OOSP2: variants seen among roughly 807,000 people sequenced by gnomAD.
OOSP2 encodes the protein oocyte secreted protein 2.
Under a neutral mutation model 13.4 loss-of-function variants are expected in OOSP2, and 7 were observed. The ratio of observed to expected loss-of-function variants is 0.52; its 90% CI spans 0.30 to 0.98. The LOEUF (loss-of-function observed/expected upper bound fraction) is 0.98. OOSP2 is among the 50% of genes least tolerant of loss of function. The pLI, the probability that OOSP2 is intolerant of heterozygous loss-of-function variation, is 0.07. For synonymous variants in OOSP2, 75 were observed against 67.2 expected (o/e 1.12, Z -0.57); for missense variants, 184 against 188.5 (o/e 0.98, Z 0.14).
intron 3 of OOSP2, chr11:60,046,573 C>T (rs1284948975): frequency 2.5e-6 from 1 of 407,924 alleles, no homozygotes; most frequent in Admixed American, 2.8e-5. Context: ...GCTGCCACTA[C>T]AGTGGGACAG....
At chr11:60,044,922 A>G (rs1269077905) in intron 3 of OOSP2, 148 bp downstream of exon 3, 3 of 422,530 alleles carry the variant, frequency 7.1e-6, no homozygotes, top group Non-Finnish European at 1.3e-5. Context: ...TATTTACACA[A>G]ATATTTTAAT....
At position 60,046,982 on chromosome 11, in the gene OOSP2, A is replaced by G; in HGVS notation, c.386A>G (p.Glu129Gly). 1 of 1,607,878 alleles carries G rather than the reference A, an allele frequency of 6.2e-7. No homozygotes were observed. The highest frequency in any genetic ancestry group is 1.7e-5 in the Admixed American group (1 of 60,026). The change falls in exon 4 of 4, where the codon GAA (glutamate) becomes GGA (glycine). Residue 129 changes from glutamate to glycine, a missense_variant. Transcript: ENST00000278855. ...CTTACACCAGTTTCTACTGAGAATG[A>G]AATAAAATTGGATCCTAGTCCTTTT... is the stretch of plus-strand genomic sequence containing the variant. ...VWLTPVSTENEIKLDPSPFIA... is the reference protein window; with the variant it reads ...VWLTPVSTENGIKLDPSPFIA...
Position 60,044,685 on chromosome 11 carries a change from A to C in OOSP2, c.258A>C (p.Glu86Asp), listed in dbSNP as rs1353185891. The stretch of plus-strand genomic sequence containing the variant: ...TGCTCTCCTAGGTAGTTTCTGAGGA[A>C]ACTCTCCTTTTTCAAACCGAGCTGT... ...CGIRTRVVSE[E>D]TLLFQTELYF... The change falls in exon 3 of 4, where the codon GAA becomes GAC. Residue 86 changes from glutamate to aspartate, a missense_variant. Coordinates refer to ENST00000278855, the MANE Select transcript of OOSP2 (RefSeq NM_173801.5). 8.9e-6 allele frequency: 14 copies of C among 1,566,570 alleles called. No homozygotes were observed. Among genetic ancestry groups the C allele is most frequent in the Admixed American group, 3.4e-5 (2 of 59,544 alleles).
intron 1 of OOSP2, among the ~76,000 whole-genome samples, chr11:60,041,850 C>CAAA (rs571172974): frequency 5.8e-4 from 21 of 36,428 alleles, no homozygotes; most frequent in South Asian, 1.7e-3. Context: ...GACTCTGTCT[C>CAAA]AAAAAAAAAA....
At chr11:60,042,247 A>ATC (rs1417455411) in intron 1 of OOSP2, among the ~76,000 whole-genome samples, 1 of 152,188 alleles carries the variant, frequency 6.6e-6, no homozygotes, top group African/African-American at 2.4e-5. Context: ...TCCATCTTTA[A>ATC]TCTTAGCTGC....
intron 3 of OOSP2, among the ~76,000 whole-genome samples, chr11:60,046,258 T>C (rs949162898): frequency 6.6e-6 from 1 of 152,150 alleles, no homozygotes; most frequent in Non-Finnish European, 1.5e-5. Flanking sequence ...TCTCTTTGTC[T>C]CTGTCTACCT....
intron 3 of OOSP2, among the ~76,000 whole-genome samples, chr11:60,045,323 C>T (rs1310075547): frequency 6.6e-6 from 1 of 151,260 alleles, no homozygotes; most frequent in African/African-American, 2.4e-5. Context: ...TCCCAAGAGC[C>T]TCGTGTGAAC....
chr11:60,040,525 TA>T lies in OOSP2; in HGVS notation c.64+5del. ...GGACCGGTGCTGAGAACCTCCATGGTAAATAACAAGTTTTAGAGAATGCTTC... is the reference window on the plus strand; with the variant it reads ...GGACCGGTGCTGAGAACCTCCATGGTAATAACAAGTTTTAGAGAATGCTTC... On this transcript the variant is annotated splice_donor_region_variant and intron_variant, in intron 1 of 3. Coordinates refer to ENST00000278855, the MANE Select transcript of OOSP2 (RefSeq NM_173801.5). 1 of 1,542,300 alleles carries T rather than the reference TA, an allele frequency of 6.5e-7. No individual in the cohort carries two copies. The highest frequency in any genetic ancestry group is 9.0e-7 in the Non-Finnish European group (1 of 1,114,432).
chr11:60,041,826 G>A (rs1486708792), intron 1 of OOSP2, among the ~76,000 whole-genome samples: 28 of 132,610 alleles, frequency 2.1e-4, no homozygotes, highest in African/African-American at 7.5e-4. Context: ...ACTCCAGCCT[G>A]GGTGACAGAG....
intron 1 of OOSP2, among the ~76,000 whole-genome samples, chr11:60,043,131 C>T (rs1854959140): frequency 1.3e-5 from 2 of 152,122 alleles, no homozygotes; most frequent in African/African-American, 2.4e-5. Context: ...GTCTCGATCT[C>T]CTGACCTTGT....
chr11:60,043,022 A>C (rs1854957257), intron 1 of OOSP2, among the ~76,000 whole-genome samples: 1 of 151,618 alleles, frequency 6.6e-6, no homozygotes, highest in Non-Finnish European at 1.5e-5. Context: ...CTCCTGCCTC[A>C]GCCTCCCGAG....
At position 60,047,143 on chromosome 11, in the gene OOSP2, A is replaced by AT; in HGVS notation, c.*70_*71insT. ...CAGGAAAACAGTTTCATTTTTTCAT[A>AT]GCAAAAATATAGTTGGTGTATATCT... On this transcript the variant is annotated 3_prime_UTR_variant, in exon 4 of 4. Transcript: ENST00000278855. 7.5e-7 allele frequency: 1 copy of AT among 1,328,956 alleles called. No individual in the cohort carries two copies. The highest frequency in any genetic ancestry group is 1.0e-6 in the Non-Finnish European group (1 of 956,058). 82.3% of individuals were successfully genotyped at this position (1,328,956 alleles called of 1,614,324 possible). A position where few individuals can be genotyped will look rare whatever the true frequency, so the allele number is the denominator to read the frequency against.
Position 60,047,200 on chromosome 11 carries a change from C to T in OOSP2, c.*127C>T. The stretch of plus-strand genomic sequence containing the variant: ...AAGTCTCTGGTTTCTAAAAACCCTA[C>T]TTCAGTAAAGGTCCTGATTAGTTGA... On this transcript the variant is annotated 3_prime_UTR_variant, in exon 4 of 4. Transcript: ENST00000278855. 1 of 734,580 alleles carries T rather than the reference C, an allele frequency of 1.4e-6. No homozygotes were observed. The highest frequency in any genetic ancestry group is 2.2e-6 in the Non-Finnish European group (1 of 449,654). 45.5% of individuals were successfully genotyped at this position (734,580 alleles called of 1,614,324 possible).
intron 1 of OOSP2, among the ~76,000 whole-genome samples, chr11:60,042,776 A>G (rs1854952587): frequency 6.6e-6 from 1 of 152,084 alleles, no homozygotes; most frequent in African/African-American, 2.4e-5. Flanking sequence ...GTATACTGGG[A>G]TGATATCGCT....
intron 2 of OOSP2, among the ~76,000 whole-genome samples, chr11:60,043,917 C>A (rs1313961087): frequency 6.6e-6 from 1 of 152,160 alleles, no homozygotes; most frequent in Non-Finnish European, 1.5e-5. Context: ...TAGCAGACTG[C>A]TTTAAATTTT....
intron 1 of OOSP2, 43 bp downstream of exon 1, chr11:60,040,566 T>A: frequency 9.4e-7 from 1 of 1,058,978 alleles, no homozygotes; most frequent in Non-Finnish European, 1.5e-6. Flanking sequence ...AAGGAGTTAA[T>A]CATAATGATC....
In OOSP2 at chr11:60,047,214, C is replaced by T; in HGVS notation, c.*141C>T. 4.7e-6 allele frequency: 3 copies of T among 632,892 alleles called. No individual in the cohort carries two copies. The highest frequency in any genetic ancestry group is 8.1e-6 in the Non-Finnish European group (3 of 368,526). The allele number at this position is 632,892 out of a possible 1,614,324, so 39.2% of individuals were successfully genotyped here. A position where few individuals can be genotyped will look rare whatever the true frequency, so the allele number is the denominator to read the frequency against. ...TAAAAACCCTACTTCAGTAAAGGTCCTGATTAGTTGATTAGTGAATGTGTA... is the reference window on the plus strand; with the variant it reads ...TAAAAACCCTACTTCAGTAAAGGTCTTGATTAGTTGATTAGTGAATGTGTA... On this transcript the variant is annotated 3_prime_UTR_variant, in exon 4 of 4. Transcript: ENST00000278855.
intron 3 of OOSP2, among the ~76,000 whole-genome samples, chr11:60,045,384 T>C (rs528583310): frequency 1.3e-4 from 20 of 151,886 alleles, no homozygotes; most frequent in Non-Finnish European, 2.4e-4. Context: ...TTTTTTGCCA[T>C]GCCATTGAAA....
chr11:60,046,894 T>A, intron 3 of OOSP2, 50 bp from the exon 4 acceptor site: 1 of 1,540,098 alleles, frequency 6.5e-7, no homozygotes, highest in Non-Finnish European at 9.0e-7. Context: ...AAAACTGACT[T>A]GATCCCAAGT....
Sources: gnomAD v4.1 joint callset for allele counts (sites outside exome capture counted in the v4.1 genomes callset) on GRCh38, gnomAD v4.1.1 for gene constraint, MANE v1.5 for transcripts, NCBI Gene and HGNC (gene_info 2026-07-23, HGNC 2026-07-21) for gene names.